MYO1D: variants seen among roughly 807,000 people sequenced by gnomAD.
MYO1D encodes the protein unconventional myosin-Id.
A neutral mutation model predicts 122.0 loss-of-function variants in MYO1D; 83 were observed. The observed-to-expected ratio is 0.68, with a 90% CI of 0.57 to 0.82. The LOEUF (loss-of-function observed/expected upper bound fraction) is 0.82. MYO1D is among the 40% of genes least tolerant of loss of function. MYO1D has a pLI of 0.00. For synonymous variants in MYO1D, 464 were observed against 446.9 expected (o/e 1.04, Z -0.48); for missense variants, 1,157 against 1,269.5 (o/e 0.91, Z 1.35).
chr17:32,645,782 G>A (rs1367721681), intron 19 of MYO1D, among the ~76,000 whole-genome samples: 1 of 152,040 alleles, frequency 6.6e-6, no homozygotes, highest in African/African-American at 2.4e-5. Context: ...CTCTGCATTG[G>A]TTATTCTAGT....
intron 20 of MYO1D, among the ~76,000 whole-genome samples, chr17:32,634,367 A>G (rs545846348): frequency 6.6e-6 from 1 of 152,348 alleles, no homozygotes; most frequent in East Asian, 1.9e-4. Flanking sequence ...GGATTGCTCC[A>G]CCCAGTGTGG....
chr17:32,823,807 C>T (rs2090696602), intron 1 of MYO1D, among the ~76,000 whole-genome samples: 1 of 152,110 alleles, frequency 6.6e-6, no homozygotes, highest in Non-Finnish European at 1.5e-5. Context: ...GTGGCTCATG[C>T]CTGTAATCCC....
intron 1 of MYO1D, among the ~76,000 whole-genome samples, chr17:32,828,333 G>A (rs2090741036): frequency 6.6e-6 from 1 of 151,916 alleles, no homozygotes; most frequent in South Asian, 2.1e-4. Context: ...TGGCTAACAC[G>A]GTGAAACCCC....
At chr17:32,662,347 G>GA (rs1310542405) in intron 16 of MYO1D, among the ~76,000 whole-genome samples, 1 of 152,210 alleles carries the variant, frequency 6.6e-6, no homozygotes, top group African/African-American at 2.4e-5. Flanking sequence ...TCTGGACTCA[G>GA]ACTGCCTGTT....
chr17:32,505,857 AG>A (rs1909485369), intron 21 of MYO1D, among the ~76,000 whole-genome samples: 1 of 152,222 alleles, frequency 6.6e-6, no homozygotes, highest in Admixed American at 6.5e-5. Context: ...AAAGGGCTGA[AG>A]GAAAAAAACC....
intron 14 of MYO1D, among the ~76,000 whole-genome samples, chr17:32,730,107 T>A (rs1225857899): frequency 6.6e-6 from 1 of 151,488 alleles, no homozygotes; most frequent in African/African-American, 2.4e-5. Context: ...CAGGGAGGAT[T>A]CTTTGTTTTT....
At chr17:32,529,001 G>A (rs1431546760) in intron 21 of MYO1D, 2 of 152,216 alleles carry the variant, frequency 1.3e-5, no homozygotes, top group Non-Finnish European at 2.9e-5. Context: ...GACATAGATC[G>A]GTAGATGGTG....
At chr17:32,501,673 G>T (rs1378254744) in intron 21 of MYO1D, among the ~76,000 whole-genome samples, 1 of 152,214 alleles carries the variant, frequency 6.6e-6, no homozygotes, top group African/African-American at 2.4e-5. Flanking sequence ...GTACCGGGAG[G>T]CATCCCAGTC....
At chr17:32,521,076 G>A (rs930248943) in intron 21 of MYO1D, among the ~76,000 whole-genome samples, 1 of 152,218 alleles carries the variant, frequency 6.6e-6, no homozygotes, top group Admixed American at 6.5e-5. Context: ...AGTTTGGAAG[G>A]TTAGAAGTCT....
chr17:32,852,407 A>G (rs1461865973), intron 1 of MYO1D, among the ~76,000 whole-genome samples: 2 of 152,154 alleles, frequency 1.3e-5, no homozygotes, highest in Non-Finnish European at 2.9e-5. Context: ...GATTACAGGC[A>G]TGACCACTGT....
At chr17:32,822,618 C>T (rs1027468419) in intron 1 of MYO1D, among the ~76,000 whole-genome samples, 108 of 148,834 alleles carry the variant, frequency 7.3e-4, no homozygotes, top group Admixed American at 1.9e-3. Context: ...GCCCGTGGCC[C>T]GCCGGCCCCC....
At chr17:32,546,068 C>T (rs1260394830) in intron 21 of MYO1D, among the ~76,000 whole-genome samples, 2 of 152,104 alleles carry the variant, frequency 1.3e-5, no homozygotes, top group East Asian at 1.9e-4. Context: ...TGCCAGACCA[C>T]GTGGCTGCAG....
chr17:32,591,865 G>A (rs975743222), intron 21 of MYO1D, among the ~76,000 whole-genome samples: 9 of 152,046 alleles, frequency 5.9e-5, no homozygotes, highest in Admixed American at 2.0e-4. Context: ...GGATGGGCCC[G>A]GGGAGCTGCC....
In MYO1D at chr17:32,799,135, C is replaced by T. The variant is rs529701904; in HGVS notation, c.96-18351G>A. Among the ~76,000 whole-genome samples the T allele has an allele frequency of 2.0e-5, 3 of 152,186 alleles. No homozygotes were observed. In the South Asian group the frequency reaches 6.2e-4, roughly 32 times the overall value. ...ATTTTCTATACTCAGGAATACCAGA[C>T]ATCAGGAAGTGAACTAAGAGAATAA... On this transcript the variant is annotated intron_variant, in intron 1 of 21. Transcript: ENST00000318217.
intron 1 of MYO1D, among the ~76,000 whole-genome samples, chr17:32,818,082 C>T (rs1419027541): frequency 7.5e-6 from 1 of 133,012 alleles, no homozygotes; most frequent in Non-Finnish European, 1.6e-5. Context: ...GCCGAGATCC[C>T]GCCACTGCAC....
chr17:32,607,539 A>G (rs2087643544), intron 20 of MYO1D, among the ~76,000 whole-genome samples: 1 of 152,134 alleles, frequency 6.6e-6, no homozygotes, highest in Non-Finnish European at 1.5e-5. Context: ...AAGGAAAATA[A>G]TATCCTCATG....
intron 16 of MYO1D, among the ~76,000 whole-genome samples, chr17:32,705,336 T>C (rs943014655): frequency 4.9e-4 from 74 of 152,292 alleles, no homozygotes; most frequent in African/African-American, 1.7e-3. Context: ...CTCAGCTCAC[T>C]GCAAGCTCCA....
intron 1 of MYO1D, among the ~76,000 whole-genome samples, chr17:32,790,151 T>G (rs1220886480): frequency 1.3e-5 from 2 of 152,228 alleles, no homozygotes; most frequent in East Asian, 3.9e-4. Context: ...AGGTATCATC[T>G]TAACTGATCT....
At chr17:32,795,922 T>C (rs1256301237) in intron 1 of MYO1D, among the ~76,000 whole-genome samples, 2 of 152,038 alleles carry the variant, frequency 1.3e-5, no homozygotes, top group Non-Finnish European at 2.9e-5. Context: ...TGCACCCAGG[T>C]GCTCATTAAA....
Sources: allele counts gnomAD v4.1 joint callset (sites outside exome capture counted in the v4.1 genomes callset), GRCh38; gene constraint gnomAD v4.1.1; transcripts MANE v1.5; gene names NCBI Gene and HGNC (gene_info 2026-07-23, HGNC 2026-07-21).